Variants in VASH2 observed in about 807,000 individuals in gnomAD.
VASH2 encodes the protein vasohibin 2.
Under a neutral mutation model 37.2 loss-of-function variants are expected in VASH2, and 28 were observed. That is an observed-to-expected ratio of 0.75 (90% confidence interval 0.56 to 1.03). The LOEUF is 1.03. Ranked by LOEUF, VASH2 falls within the 50% of genes least tolerant of loss-of-function variation. VASH2 has a pLI of 0.00. For synonymous variants in VASH2, 188 were observed against 174.7 expected (o/e 1.08, Z -0.60); for missense variants, 419 against 459.1 (o/e 0.91, Z 0.80).
chr1:212,963,519 G>A (rs1195714478), intron 3 of VASH2, among the ~76,000 whole-genome samples: 1 of 151,636 alleles, frequency 6.6e-6, no homozygotes, highest in Non-Finnish European at 1.5e-5. Flanking sequence ...GGATAGGAAA[G>A]GACAAATCCT....
rs1488100957 is a variant in VASH2 at position 212,951,629 on chromosome 1, C to T, written c.87C>T (p.Pro29=). Residue 29 remains proline (P), a synonymous_variant, in exon 2 of 8, where the codon CCC becomes CCT. Transcript: ENST00000517399. The surrounding 1 kb of genome is among the most constrained non-coding windows in gnomAD (Gnocchi z 4.4). ...GTRSRSSHAR[P]VSLATSGGSE... ...GGTCCCGGAGCAGCCACGCGCGGCC[C>T]GTGAGCCTCGCCACCAGCGGGGGCT... 1.3e-6 allele frequency: 2 copies of T among 1,571,112 alleles called. No individual in the cohort carries two copies. The highest frequency in any genetic ancestry group is 1.3e-5 in the African/African-American group (1 of 74,342).
chr1:212,967,246 G>T, intron 5 of VASH2: 2 of 1,296,282 alleles, frequency 1.5e-6, no homozygotes, highest in South Asian at 2.5e-5. Context: ...TGGTGGTGAT[G>T]ACCACCTCCC....
At chr1:212,973,312 C>A in intron 6 of VASH2, 6 of 1,148,912 alleles carry the variant, frequency 5.2e-6, no homozygotes, top group Non-Finnish European at 6.9e-6. Flanking sequence ...AGTATTAAAA[C>A]CTGGAAAACC....
chr1:212,973,254 G>A (rs1210433727), intron 6 of VASH2, among the ~76,000 whole-genome samples: 1 of 152,180 alleles, frequency 6.6e-6, no homozygotes, highest in African/African-American at 2.4e-5. Flanking sequence ...GTGACCAGTT[G>A]TACTAGTTTG....
At position 212,951,477 on chromosome 1, in the gene VASH2, C is replaced by CCCGCCG. The variant is rs930397646; in HGVS notation, c.-55_-50dup. 728 of 1,067,960 alleles carry CCCGCCG rather than the reference C, an allele frequency of 6.8e-4. 2 individuals are homozygous for CCCGCCG. The African/African-American group carries it at 9.5e-3, about 14-fold the overall frequency. The allele number at this position is 1,067,960 out of a possible 1,614,324, so 66.2% of individuals were successfully genotyped here. A position where few individuals can be genotyped will look rare whatever the true frequency, so the allele number is the denominator to read the frequency against. On this transcript the variant is annotated 5_prime_UTR_variant, in exon 2 of 8. Coordinates refer to ENST00000517399, the MANE Select transcript of VASH2 (RefSeq NM_001301056.2). This position sits in a 1 kb window ranked among gnomAD's most constrained non-coding sequence, Gnocchi z 4.4. ...TCGCCGCGCCCGCGCGCACACGCCC[C>CCCGCCG]CCGCCGCCGCCGCCGCTGCCGCCGC...
At position 212,989,130 on chromosome 1, in the gene VASH2, A is replaced by G. The variant is rs2075830974; in HGVS notation, c.*546A>G. ...CCCAGTATTTCCCATGGGGATCTCC[A>G]CAAGTTTGGAGTTTTTTCCTGGTGC... is the stretch of plus-strand genomic sequence containing the variant. On this transcript the variant is annotated 3_prime_UTR_variant, in exon 8 of 8. Coordinates refer to ENST00000517399, the MANE Select transcript of VASH2 (RefSeq NM_001301056.2). 6.4e-6 allele frequency: 1 copy of G among 155,586 alleles called. No individual in the cohort carries two copies. Among genetic ancestry groups the G allele is most frequent in the African/African-American group, 2.4e-5 (1 of 41,426 alleles). The allele number at this position is 155,586 out of a possible 1,614,324, so 9.6% of individuals were successfully genotyped here. A position where few individuals can be genotyped will look rare whatever the true frequency, so the allele number is the denominator to read the frequency against.
intron 4 of VASH2, chr1:212,966,058 C>T (rs902241638): frequency 5.0e-6 from 3 of 602,778 alleles, no homozygotes; most frequent in Non-Finnish European, 8.8e-6. Flanking sequence ...TGCCCCCGTG[C>T]TGGGGCATTG....
intron 3 of VASH2, among the ~76,000 whole-genome samples, chr1:212,964,370 T>C (rs1166635677): frequency 5.3e-5 from 8 of 152,258 alleles, no homozygotes; most frequent in Non-Finnish European, 1.2e-4. Context: ...CATCCCCACC[T>C]GGCCTGCAGC....
chr1:212,956,981 A>G (rs1666517006), intron 2 of VASH2, among the ~76,000 whole-genome samples: 1 of 152,138 alleles, frequency 6.6e-6, no homozygotes, highest in South Asian at 2.1e-4. Flanking sequence ...GACGTTTTTC[A>G]TCTTCCTAAC....
intron 3 of VASH2, among the ~76,000 whole-genome samples, chr1:212,964,449 T>C (rs918990636): frequency 6.6e-6 from 1 of 152,170 alleles, no homozygotes; most frequent in Non-Finnish European, 1.5e-5. Context: ...TAGGCTTTTG[T>C]TTGAGGCAGA....
intron 2 of VASH2, 80 bp from the exon 3 acceptor site, chr1:212,961,086 T>G: frequency 7.2e-7 from 1 of 1,389,138 alleles, no homozygotes. Context: ...TCTGGTGGCT[T>G]TAGCCCTCTG....
intron 7 of VASH2, among the ~76,000 whole-genome samples, chr1:212,976,444 A>G (rs1323101812): frequency 6.6e-6 from 1 of 152,134 alleles, no homozygotes; most frequent in African/African-American, 2.4e-5. Context: ...TTAGCCAGGC[A>G]TGGTGATGCA....
intron 5 of VASH2, among the ~76,000 whole-genome samples, chr1:212,970,147 G>T (rs1666967515): frequency 6.6e-6 from 1 of 152,162 alleles, no homozygotes; most frequent in Non-Finnish European, 1.5e-5. Context: ...CCAGGAGGCT[G>T]GATGCCAGAA....
intron 7 of VASH2, among the ~76,000 whole-genome samples, chr1:212,988,135 A>G (rs773907429): frequency 6.6e-6 from 1 of 152,166 alleles, no homozygotes; most frequent in African/African-American, 2.4e-5. Context: ...CCAATGTTTC[A>G]AGGAGAATTT....
intron 2 of VASH2, among the ~76,000 whole-genome samples, chr1:212,957,437 G>A (rs1395321563): frequency 6.6e-6 from 1 of 152,122 alleles, no homozygotes; most frequent in Non-Finnish European, 1.5e-5. Flanking sequence ...AGCAGTGAAC[G>A]TTTTCATCCT....
At chr1:212,978,269 C>T (rs1054920600) in intron 7 of VASH2, among the ~76,000 whole-genome samples, 1 of 152,210 alleles carries the variant, frequency 6.6e-6, no homozygotes, top group Non-Finnish European at 1.5e-5. Flanking sequence ...ACCACCCCTG[C>T]GCCTGCAGAG....
rs934246763 is a variant in VASH2 at position 212,988,651 on chromosome 1, A to G, written c.*67A>G. ...TCTCTGCACTTTACCCAGCATCTTC[A>G]GGAGGAACTGCAACTATTTATTAAG... On this transcript the variant is annotated 3_prime_UTR_variant, in exon 8 of 8. Transcript: ENST00000517399. The G allele has an allele frequency of 1.3e-5, 19 of 1,484,300 alleles. 1 individual carries two copies. In the African/African-American group the frequency reaches 2.6e-4, roughly 21 times the overall value. The allele number at this position is 1,484,300 out of a possible 1,614,324, so 91.9% of individuals were successfully genotyped here.
chr1:212,980,384 T>G (rs1009168664), intron 7 of VASH2, among the ~76,000 whole-genome samples: 2 of 152,206 alleles, frequency 1.3e-5, no homozygotes, highest in Admixed American at 6.5e-5. Context: ...GCTGCTTTTT[T>G]CCTGCTGTCT....
At chr1:212,956,066 T>C (rs143967451) in intron 2 of VASH2, among the ~76,000 whole-genome samples, 21 of 152,370 alleles carry the variant, frequency 1.4e-4, no homozygotes, top group African/African-American at 4.1e-4. Flanking sequence ...GAATTCCCCT[T>C]GCTCTTGTTA....
Sources: gnomAD v4.1 joint callset for allele counts (sites outside exome capture counted in the v4.1 genomes callset) on GRCh38, gnomAD v4.1.1 for gene constraint, Gnocchi (gnomAD v3.1) non-coding constraint, MANE v1.5 for transcripts, NCBI Gene and HGNC (gene_info 2026-07-23, HGNC 2026-07-21) for gene names.